Variants in LARP4B observed in about 807,000 individuals in gnomAD.
The protein encoded by LARP4B is la-related protein 4B.
Under a neutral mutation model 89.8 loss-of-function variants are expected in LARP4B, and 12 were observed. That is an observed-to-expected ratio of 0.13 (90% confidence interval 0.09 to 0.22). The LOEUF is 0.22. Ranked by LOEUF, LARP4B falls within the 10% of genes least tolerant of loss-of-function variation. The probability of loss-of-function intolerance (pLI) is 1.00; values close to 1 mark genes in which losing one functional copy is unlikely to be tolerated. For missense variants in LARP4B, 757 were observed against 947.7 expected, an observed-to-expected ratio of 0.80 and a Z score of 2.64; for synonymous variants, 367 against 363.3, an observed-to-expected ratio of 1.01 and a Z score of -0.12.
chr10:972,187 C>T, the LARP4B span: 1 of 303,990 alleles, frequency 3.3e-6, no homozygotes, highest in Non-Finnish European at 6.5e-6. Context: ...GTCAACACGC[C>T]TGGGTAATTT....
At chr10:927,455 C>G (rs114519612) in intron 1 of LARP4B, among the ~76,000 whole-genome samples, 3,885 of 152,142 alleles carry the variant, frequency 0.026, 165 homozygotes, top group African/African-American at 0.086. Flanking sequence ...CAGTTTTCTA[C>G]CTTACAATTC....
At chr10:848,219 C>T (rs1833874812) in intron 5 of LARP4B, among the ~76,000 whole-genome samples, 1 of 152,188 alleles carries the variant, frequency 6.6e-6, no homozygotes, top group Admixed American at 6.5e-5. Flanking sequence ...GTGATAGGAA[C>T]AGGCCCCACA....
At chr10:875,602 A>C (rs2131895871) in intron 3 of LARP4B, among the ~76,000 whole-genome samples, 1 of 152,338 alleles carries the variant, frequency 6.6e-6, no homozygotes, top group Non-Finnish European at 1.5e-5. Context: ...AGATTATTTC[A>C]CACAATTCTG....
At chr10:925,616 C>T (rs1333083700) in intron 1 of LARP4B, among the ~76,000 whole-genome samples, 1 of 152,156 alleles carries the variant, frequency 6.6e-6, no homozygotes, top group Non-Finnish European at 1.5e-5. Flanking sequence ...TCACTGCAAC[C>T]TCTGCCTCCC....
At chr10:975,698 C>A in the LARP4B span, among the ~76,000 whole-genome samples, 2 of 152,096 alleles carry the variant, frequency 1.3e-5, no homozygotes, top group African/African-American at 4.8e-5. Context: ...CAAGGTAGGC[C>A]TGTCGCGTAA....
chr10:958,561 G>A, the LARP4B span, among the ~76,000 whole-genome samples: 1 of 152,162 alleles, frequency 6.6e-6, no homozygotes, highest in Non-Finnish European at 1.5e-5. Context: ...GGAAGGCAGG[G>A]GCCTCTGCAC....
chr10:878,138 G>A lies in LARP4B; in HGVS notation c.141+6309C>T, dbSNP rs373154200. 2.3e-4 allele frequency among the ~76,000 whole-genome samples: 35 copies of A among 152,344 alleles called. No homozygotes were observed. In the East Asian group the frequency reaches 2.9e-3, roughly 13 times the overall value. ...AAGAGCCCACTGGGGCTGGAGCAGC[G>A]TGCCAGAGGAGAGCCAGTGGGCAGC... On this transcript the variant is annotated intron_variant, in intron 3 of 17. Transcript: ENST00000316157.
chr10:856,138 A>G (rs905918868), intron 5 of LARP4B, among the ~76,000 whole-genome samples: 1 of 152,240 alleles, frequency 6.6e-6, no homozygotes, highest in African/African-American at 2.4e-5. Context: ...CAAAAGGAAG[A>G]GCCATAAAAG....
At chr10:928,229 G>GAA (rs59234664) in intron 1 of LARP4B, among the ~76,000 whole-genome samples, 8 of 100,146 alleles carry the variant, frequency 8.0e-5, no homozygotes, top group East Asian at 3.1e-4. Context: ...CCTCAGGAAA[G>GAA]AAAAAAAAAA....
intron 5 of LARP4B, among the ~76,000 whole-genome samples, chr10:853,074 T>C (rs1250928119): frequency 6.6e-6 from 1 of 152,232 alleles, no homozygotes; most frequent in Non-Finnish European, 1.5e-5. Context: ...CAGCACTTTG[T>C]AGATATTAAC....
chr10:817,218 G>A (rs1297359677), intron 15 of LARP4B, among the ~76,000 whole-genome samples: 1 of 152,186 alleles, frequency 6.6e-6, no homozygotes, highest in Admixed American at 6.5e-5. Context: ...TCTGCAGCTC[G>A]GGACGACTCC....
chr10:880,484 G>A (rs1470471543), intron 3 of LARP4B, among the ~76,000 whole-genome samples: 1 of 152,086 alleles, frequency 6.6e-6, no homozygotes, highest in Admixed American at 6.5e-5. Context: ...GCCAGAGTTC[G>A]AGACCAGCTT....
At chr10:983,865 T>C in the LARP4B span, among the ~76,000 whole-genome samples, 3 of 152,202 alleles carry the variant, frequency 2.0e-5, no homozygotes, top group Admixed American at 2.0e-4. Context: ...TCCAGACACA[T>C]ACATTCTGAT....
chr10:934,846 G>A (rs193031393), upstream of LARP4B, among the ~76,000 whole-genome samples: 14 of 152,236 alleles, frequency 9.2e-5, no homozygotes, highest in East Asian at 1.5e-3. Context: ...TGGTTTTGCC[G>A]TTGTTACTGC....
At chr10:942,178 C>A in the LARP4B span, 8 of 152,132 alleles carry the variant, frequency 5.3e-5, no homozygotes, top group African/African-American at 1.9e-4. Context: ...TTTTCCCTTG[C>A]CTGTTTAGAT....
At chr10:937,286 G>A in the LARP4B span, among the ~76,000 whole-genome samples, 32 of 152,238 alleles carry the variant, frequency 2.1e-4, no homozygotes, top group African/African-American at 7.5e-4. Context: ...GAAGCAATCC[G>A]CTTACTTCGA....
intron 1 of LARP4B, among the ~76,000 whole-genome samples, chr10:915,290 A>G (rs1324939233): frequency 6.6e-6 from 1 of 151,510 alleles, no homozygotes; most frequent in African/African-American, 2.4e-5. Context: ...TCTCCAGGGG[A>G]AAAAAAAATA....
At chr10:907,680 A>G (rs1836530876) in intron 1 of LARP4B, among the ~76,000 whole-genome samples, 1 of 152,178 alleles carries the variant, frequency 6.6e-6, no homozygotes, top group Non-Finnish European at 1.5e-5. Context: ...AGAATTCTTA[A>G]AATCCCTGGA....
intron 3 of LARP4B, among the ~76,000 whole-genome samples, chr10:876,944 A>C (rs1471003101): frequency 2.1e-4 from 32 of 152,070 alleles, no homozygotes; most frequent in Admixed American, 2.1e-3. Context: ...GGATGCCACC[A>C]AGGTTTATGA....
Sources: allele counts gnomAD v4.1 joint callset (sites outside exome capture counted in the v4.1 genomes callset), GRCh38; gene constraint gnomAD v4.1.1; transcripts MANE v1.5; gene names NCBI Gene and HGNC (gene_info 2026-07-23, HGNC 2026-07-21).